DPP10: variants seen among roughly 807,000 people sequenced by gnomAD.
DPP10 encodes the protein dipeptidyl peptidase like 10.
In DPP10, 33 loss-of-function variants were observed where a neutral mutation model predicts 120.9. That is an observed-to-expected ratio of 0.27 (90% CI 0.21 to 0.37). The LOEUF (loss-of-function observed/expected upper bound fraction) is 0.37. Ranked by LOEUF, DPP10 falls within the 10% of genes least tolerant of loss-of-function variation. DPP10 has a pLI of 1.00. For missense variants in DPP10, 816 were observed against 942.8 expected, an observed-to-expected ratio of 0.87 and a Z score of 1.76; for synonymous variants, 337 against 326.1, an observed-to-expected ratio of 1.03 and a Z score of -0.36.
At chr2:114,979,539 G>T (rs1291393336) in intron 1 of DPP10, among the ~76,000 whole-genome samples, 2 of 151,900 alleles carry the variant, frequency 1.3e-5, no homozygotes, top group East Asian at 1.9e-4. Context: ...TTGATATTTA[G>T]TGGGAATTAC....
intron 1 of DPP10, among the ~76,000 whole-genome samples, chr2:114,701,851 T>C (rs1403686569): frequency 6.6e-6 from 1 of 152,104 alleles, no homozygotes; most frequent in Non-Finnish European, 1.5e-5. Context: ...GCATTTGAGG[T>C]CATCTATGAA....
chr2:115,324,523 C>T (rs2062240564), intron 2 of DPP10, among the ~76,000 whole-genome samples: 1 of 152,128 alleles, frequency 6.6e-6, no homozygotes, highest in Non-Finnish European at 1.5e-5. Context: ...GTAGCCTTCT[C>T]ATCTCTCTCA....
chr2:114,994,916 T>C (rs1398761596), intron 1 of DPP10, among the ~76,000 whole-genome samples: 1 of 152,216 alleles, frequency 6.6e-6, no homozygotes. Context: ...CTGCATAGAA[T>C]TTTTGTGTGA....
chr2:115,721,233 T>G (rs1412650692), intron 7 of DPP10, among the ~76,000 whole-genome samples: 1 of 152,186 alleles, frequency 6.6e-6, no homozygotes, highest in Non-Finnish European at 1.5e-5. Context: ...GTCCCCCATG[T>G]CCATCACCTA....
At chr2:115,086,452 CTTTTTT>C (rs70941026) in intron 1 of DPP10, among the ~76,000 whole-genome samples, 7 of 106,460 alleles carry the variant, frequency 6.6e-5, no homozygotes, top group Non-Finnish European at 6.0e-5. Context: ...CAATGTATTT[CTTTTTT>C]TTTTTTTTTT....
intron 5 of DPP10, among the ~76,000 whole-genome samples, chr2:115,575,423 T>C (rs2081593139): frequency 6.6e-6 from 1 of 152,200 alleles, no homozygotes; most frequent in South Asian, 2.1e-4. Flanking sequence ...CCATCATTAG[T>C]GTCAAGTGGA....
chr2:114,733,240 C>G (rs1301436847), intron 1 of DPP10, among the ~76,000 whole-genome samples: 1 of 152,118 alleles, frequency 6.6e-6, no homozygotes, highest in East Asian at 1.9e-4. Context: ...ATTTCCTGGT[C>G]CCATCTCTTT....
chr2:114,731,246 T>C (rs1676885895), intron 1 of DPP10, among the ~76,000 whole-genome samples: 1 of 152,034 alleles, frequency 6.6e-6, no homozygotes, highest in African/African-American at 2.4e-5. Flanking sequence ...TTGAAGTATG[T>C]TAATATCATT....
intron 1 of DPP10, among the ~76,000 whole-genome samples, chr2:114,688,326 T>C (rs1385608709): frequency 6.6e-6 from 1 of 151,988 alleles, no homozygotes; most frequent in Admixed American, 6.6e-5. Flanking sequence ...AATGCAATTC[T>C]GTAAAAGTAG....
intron 1 of DPP10, among the ~76,000 whole-genome samples, chr2:114,638,525 T>A (rs939459322): frequency 1.3e-5 from 2 of 151,854 alleles, no homozygotes; most frequent in Non-Finnish European, 2.9e-5. Context: ...TGAAGCAAAA[T>A]GTTCATCATC....
intron 1 of DPP10, among the ~76,000 whole-genome samples, chr2:114,511,998 A>ATCT (rs1684186658): frequency 6.6e-6 from 1 of 152,248 alleles, no homozygotes; most frequent in Non-Finnish European, 1.5e-5. Flanking sequence ...CAAAACAATA[A>ATCT]TCTTTAAAGA....
chr2:114,890,918 T>C (rs1457773889), intron 1 of DPP10, among the ~76,000 whole-genome samples: 1 of 151,960 alleles, frequency 6.6e-6, no homozygotes, highest in Non-Finnish European at 1.5e-5. Context: ...TGTCTATGTT[T>C]AGAGCACGGT....
In DPP10 at chr2:114,748,415, T is replaced by A. The variant is rs1472562916; in HGVS notation, c.60+305577T>A. On this transcript the variant is annotated intron_variant, in intron 1 of 25. Coordinates refer to ENST00000410059, the MANE Select transcript of DPP10 (RefSeq NM_020868.6). Reference sequence around the variant, plus strand: ...ATTTATTTATTTTAAATTTTTTTTTTATTATACTTTAAGTTTTAGGGTACA... The same window carrying A: ...ATTTATTTATTTTAAATTTTTTTTTAATTATACTTTAAGTTTTAGGGTACA... 6.2e-5 allele frequency among the ~76,000 whole-genome samples: 9 copies of A among 146,326 alleles called. No individual in the cohort carries two copies. In the South Asian group the frequency reaches 1.5e-3, roughly 24 times the overall value.
At chr2:115,114,402 T>A (rs1472122795) in intron 1 of DPP10, among the ~76,000 whole-genome samples, 2 of 152,220 alleles carry the variant, frequency 1.3e-5, no homozygotes, top group Non-Finnish European at 1.5e-5. Context: ...TAATTCCTAA[T>A]TCCTAGTCAT....
chr2:115,456,046 G>T (rs1002871833), intron 3 of DPP10, among the ~76,000 whole-genome samples: 1 of 151,848 alleles, frequency 6.6e-6, no homozygotes, highest in Non-Finnish European at 1.5e-5. Context: ...CAGAATGGGA[G>T]AAAATTTTTG....
chr2:114,471,534 T>TA (rs1421040785), intron 1 of DPP10, among the ~76,000 whole-genome samples: 2 of 152,170 alleles, frequency 1.3e-5, no homozygotes, highest in African/African-American at 4.8e-5. Flanking sequence ...TAAACAGGAA[T>TA]GCTAAAATAT....
chr2:115,671,826 C>G (rs1323140270), intron 5 of DPP10, among the ~76,000 whole-genome samples: 1 of 152,058 alleles, frequency 6.6e-6, no homozygotes, highest in Non-Finnish European at 1.5e-5. Context: ...TTTCTAGAGA[C>G]CAGCAGCTTT....
intron 5 of DPP10, among the ~76,000 whole-genome samples, chr2:115,623,707 A>G (rs1043367145): frequency 1.3e-5 from 2 of 152,144 alleles, no homozygotes; most frequent in African/African-American, 2.4e-5. Flanking sequence ...TCACTGGTAC[A>G]AGATCTGTAG....
At chr2:114,541,150 G>A (rs185304986) in intron 1 of DPP10, among the ~76,000 whole-genome samples, 1 of 152,176 alleles carries the variant, frequency 6.6e-6, no homozygotes, top group Non-Finnish European at 1.5e-5. Flanking sequence ...CGATGGGGGC[G>A]AAGTCACGGC....
Sources: allele counts gnomAD v4.1 joint callset (sites outside exome capture counted in the v4.1 genomes callset), GRCh38; gene constraint gnomAD v4.1.1; transcripts MANE v1.5; gene names NCBI Gene and HGNC (gene_info 2026-07-23, HGNC 2026-07-21).